PGM5: variants seen among roughly 807,000 people sequenced by gnomAD.
PGM5 encodes the protein phosphoglucomutase-like protein 5.
In PGM5, 23 loss-of-function variants were observed where a neutral mutation model predicts 59.2. The ratio of observed to expected loss-of-function variants is 0.39; its 90% CI spans 0.28 to 0.55. The LOEUF is 0.55. Among genes scored for constraint, PGM5 ranks in the 20% least tolerant of loss-of-function variants. The pLI, the probability that PGM5 is intolerant of heterozygous loss-of-function variation, is 0.66. For synonymous variants in PGM5, 214 were observed against 286.0 expected, an observed-to-expected ratio of 0.75 and a Z score of 2.54; for missense variants, 574 against 748.3, an observed-to-expected ratio of 0.77 and a Z score of 2.72.
chr9:68,389,575 A>T (rs1478200906), intron 4 of PGM5, among the ~76,000 whole-genome samples: 4 of 152,138 alleles, frequency 2.6e-5, no homozygotes, highest in African/African-American at 9.7e-5. Flanking sequence ...ATGTATCAGT[A>T]GTTGTTCCTT....
At chr9:68,438,782 T>C (rs1230713278) in intron 6 of PGM5, among the ~76,000 whole-genome samples, 1 of 152,192 alleles carries the variant, frequency 6.6e-6, no homozygotes, top group African/African-American at 2.4e-5. Flanking sequence ...GACAGGAAAG[T>C]CCTCTAGTTC....
chr9:68,402,447 T>A (rs1190264007), intron 6 of PGM5: 6 of 152,150 alleles, frequency 3.9e-5, no homozygotes, highest in Admixed American at 3.9e-4. Context: ...AGCATAGAGG[T>A]TTGTATTTAC....
intron 10 of PGM5, among the ~76,000 whole-genome samples, chr9:68,503,092 G>T (rs1452136650): frequency 1.3e-5 from 2 of 152,126 alleles, no homozygotes; most frequent in Non-Finnish European, 2.9e-5. Flanking sequence ...AAGGTCATCT[G>T]TCATTTTGTT....
intron 10 of PGM5, among the ~76,000 whole-genome samples, chr9:68,527,027 G>C (rs540443010): frequency 6.6e-6 from 1 of 152,284 alleles, no homozygotes; most frequent in South Asian, 2.1e-4. Context: ...TTTTGGTCAC[G>C]GACATCTAGT....
At chr9:68,503,940 A>T (rs1824617414) in intron 10 of PGM5, among the ~76,000 whole-genome samples, 1 of 152,196 alleles carries the variant, frequency 6.6e-6, no homozygotes, top group African/African-American at 2.4e-5. Context: ...ATGTGTTAAA[A>T]TGTGGATTCT....
intron 10 of PGM5, among the ~76,000 whole-genome samples, chr9:68,526,005 A>G (rs930499795): frequency 1.1e-4 from 16 of 152,118 alleles, no homozygotes; most frequent in South Asian, 2.1e-4. Context: ...GCAGTGAGCC[A>G]AGATCGCGCC....
chr9:68,485,572 G>A (rs1234668683), intron 9 of PGM5, among the ~76,000 whole-genome samples: 11 of 152,140 alleles, frequency 7.2e-5, no homozygotes, highest in Admixed American at 7.2e-4. Flanking sequence ...ATTATTGTGA[G>A]TCCATTAAAC....
chr9:68,497,806 T>C (rs1554688295), intron 9 of PGM5: 1 of 152,250 alleles, frequency 6.6e-6, no homozygotes, highest in African/African-American at 2.4e-5. Flanking sequence ...ATATGCTTAT[T>C]TACAAGAGTT....
Position 68,391,629 on chromosome 9 carries a change from C to G in PGM5, c.793C>G (p.Gln265Glu). 1 of 1,613,334 alleles carries G rather than the reference C, an allele frequency of 6.2e-7. No homozygotes were observed. The highest frequency in any genetic ancestry group is 8.5e-7 in the Non-Finnish European group (1 of 1,179,466). The change falls in exon 5 of 11, where the codon CAG (glutamine) becomes GAG (glutamate). Residue 265 changes from glutamine to glutamate, a missense_variant. Coordinates refer to ENST00000396396, the MANE Select transcript of PGM5 (RefSeq NM_021965.4). ...TGTTCCCCTGGAAGACTTTGGAGGG[C>G]AGCACCCTGACCCAAACCTGACATA... The part of the protein sequence containing the change: ...NCVPLEDFGG[Q>E]HPDPNLTYAT...
In PGM5 at chr9:68,530,149, T is replaced by G. The variant is rs529986799; in HGVS notation, c.*493T>G. ...TCTACAATGGGGGAAGGTTTTATTATAGAACTCCCAACAGCCCACCTCACT... is the reference window on the plus strand; with the variant it reads ...TCTACAATGGGGGAAGGTTTTATTAGAGAACTCCCAACAGCCCACCTCACT... On this transcript the variant is annotated 3_prime_UTR_variant, in exon 11 of 11. Transcript: ENST00000396396. 2 of 153,110 alleles carry G rather than the reference T, an allele frequency of 1.3e-5. No individual in the cohort carries two copies. The highest frequency in any genetic ancestry group is 3.9e-4 in the East Asian group (2 of 5,182). The allele number at this position is 153,110 out of a possible 1,614,324, so 9.5% of individuals were successfully genotyped here. A position where few individuals can be genotyped will look rare whatever the true frequency, so the allele number is the denominator to read the frequency against.
chr9:68,417,890 A>G (rs530084206), intron 6 of PGM5, among the ~76,000 whole-genome samples: 1 of 152,182 alleles, frequency 6.6e-6, no homozygotes, highest in South Asian at 2.1e-4. Flanking sequence ...GGCTACTTTG[A>G]TTTCACTTTC....
chr9:68,433,758 A>G (rs1470679166), intron 6 of PGM5, among the ~76,000 whole-genome samples: 1 of 152,236 alleles, frequency 6.6e-6, no homozygotes, highest in Non-Finnish European at 1.5e-5. Context: ...TTTCACTTTA[A>G]GGCCATGTTT....
intron 7 of PGM5, chr9:68,466,635 A>G (rs1403266997): frequency 1.3e-5 from 2 of 153,200 alleles, no homozygotes; most frequent in African/African-American, 4.8e-5. Flanking sequence ...GGTTAAGTTA[A>G]CCTAGTCAAG....
At chr9:68,387,742 C>T (rs1554679014) in intron 4 of PGM5, among the ~76,000 whole-genome samples, 154 bp downstream of exon 4, 1 of 151,850 alleles carries the variant, frequency 6.6e-6, no homozygotes, top group Non-Finnish European at 1.5e-5. Context: ...AACTTCAGGA[C>T]CCTTATTTCT....
intron 6 of PGM5, among the ~76,000 whole-genome samples, chr9:68,421,350 C>G (rs1253390711): frequency 6.6e-6 from 1 of 152,152 alleles, no homozygotes; most frequent in Non-Finnish European, 1.5e-5. Flanking sequence ...TAGATGGTCT[C>G]TCTTCTGTTT....
chr9:68,465,378 AT>A (rs552916018), intron 7 of PGM5, among the ~76,000 whole-genome samples, 170 bp downstream of exon 7: 14 of 152,250 alleles, frequency 9.2e-5, no homozygotes, highest in Admixed American at 8.5e-4. Context: ...TCTTTTGTCC[AT>A]TTTGTTTCTT....
intron 1 of PGM5, among the ~76,000 whole-genome samples, chr9:68,360,684 A>C: frequency 6.6e-6 from 1 of 152,172 alleles, no homozygotes; most frequent in Non-Finnish European, 1.5e-5. Context: ...ATAGGCAAAC[A>C]TAGAACATAG....
At chr9:68,401,917 G>GTC (rs1822680039) in intron 6 of PGM5, among the ~76,000 whole-genome samples, 1 of 149,182 alleles carries the variant, frequency 6.7e-6, no homozygotes, top group Admixed American at 6.7e-5. Flanking sequence ...GTGTGTGTGT[G>GTC]TGTGTGTGTG....
chr9:68,387,528 A>G lies in PGM5; in HGVS notation c.637A>G (p.Ile213Val), dbSNP rs782028587. 1.2e-6 allele frequency: 2 copies of G among 1,612,104 alleles called. No homozygotes were observed. Among genetic ancestry groups the G allele is most frequent in the African/African-American group, 2.7e-5 (2 of 74,798 alleles). Residue 213 changes from isoleucine (I) to valine (V), a missense_variant, in exon 4 of 11, where the codon ATC (isoleucine) becomes GTC (valine). Ile to Val is a conservative substitution (Grantham distance 29). Transcript: ENST00000396396. ...TCGGACCATCTTTGACTTTCATGCCATCAAGGGTTTGCTGACTGGACCCAG... is the reference window on the plus strand; with the variant it reads ...TCGGACCATCTTTGACTTTCATGCCGTCAAGGGTTTGCTGACTGGACCCAG... ...LLRTIFDFHAIKGLLTGPSQL... is the reference protein window; with the variant it reads ...LLRTIFDFHAVKGLLTGPSQL...
Sources: allele counts gnomAD v4.1 joint callset (sites outside exome capture counted in the v4.1 genomes callset), GRCh38; gene constraint gnomAD v4.1.1; transcripts MANE v1.5; gene names NCBI Gene and HGNC (gene_info 2026-07-23, HGNC 2026-07-21).